Variants in NEBL observed in about 807,000 individuals in gnomAD.
NEBL encodes LIM and SH3 protein 2.
In NEBL, 122 loss-of-function variants were observed where a neutral mutation model predicts 140.2. That is an observed-to-expected ratio of 0.87 (90% confidence interval 0.75 to 1.01). The LOEUF (loss-of-function observed/expected upper bound fraction) is 1.01. Ranked by LOEUF, NEBL falls within the 50% of genes least tolerant of loss-of-function variation. The pLI is 0.00. For synonymous variants in NEBL, 436 were observed against 398.9 expected (o/e 1.09, Z -1.11); for missense variants, 1,365 against 1,231.3 (o/e 1.11, Z -1.62).
At chr10:20,814,617 T>TACACACATACACACACAC (rs1838530037) in intron 22 of NEBL, among the ~76,000 whole-genome samples, 1 of 146,418 alleles carries the variant, frequency 6.8e-6, no homozygotes, top group Non-Finnish European at 1.5e-5. Flanking sequence ...CATACACACA[T>TACACACATACACACACAC]ACACACACAC....
At position 20,858,221 on chromosome 10, in the gene NEBL, C is replaced by T. The variant is rs746781956; in HGVS notation, c.903+19G>A. ...GGAGCCACAAGGCAACTACGGTTGC[C>T]GCTAGATGAACCACTTACGCCGCTG... On this transcript the variant is annotated intron_variant, in intron 9 of 27. Coordinates refer to ENST00000377122, the MANE Select transcript of NEBL (RefSeq NM_006393.3). The T allele has an allele frequency of 1.3e-6, 2 of 1,560,170 alleles. No individual in the cohort carries two copies. Among genetic ancestry groups the T allele is most frequent in the South Asian group, 1.1e-5 (1 of 89,918 alleles).
chr10:21,163,203 C>A (rs6482163), intron 2 of NEBL, among the ~76,000 whole-genome samples: 27,377 of 152,006 alleles, frequency 0.18, 2,619 homozygotes, highest in East Asian at 0.34. Context: ...GCTAGAAACC[C>A]AGTTTTTTTT....
At chr10:20,930,362 T>G (rs566902446) in intron 4 of NEBL, among the ~76,000 whole-genome samples, 2 of 152,350 alleles carry the variant, frequency 1.3e-5, no homozygotes, top group African/African-American at 4.8e-5. Flanking sequence ...TCCATTTCTA[T>G]GGCCACCAGC....
At chr10:21,082,941 T>G (rs1462886224) in intron 2 of NEBL, among the ~76,000 whole-genome samples, 1 of 152,102 alleles carries the variant, frequency 6.6e-6, no homozygotes, top group Non-Finnish European at 1.5e-5. Flanking sequence ...TTTTGAATTT[T>G]TTTAGAGACG....
intron 3 of NEBL, among the ~76,000 whole-genome samples, chr10:21,241,739 G>A (rs1235548628): frequency 4.6e-5 from 7 of 152,188 alleles, no homozygotes; most frequent in African/African-American, 7.2e-5. Context: ...CCGGGCATTT[G>A]AGTTCAGCGT....
Position 21,173,928 on chromosome 10 carries a change from G to A in NEBL, c.-95C>T, listed in dbSNP as rs1841203158. On this transcript the variant is annotated 5_prime_UTR_variant, in exon 1 of 7. Coordinates refer to the NEBL transcript ENST00000417816. This position sits in a 1 kb window ranked among gnomAD's most constrained non-coding sequence, Gnocchi z 5.7. ...CGAGCCCCGCACCGCCTCCTGGCAG[G>A]CGGGAGGGCTGCGGGCGGCGGGCGC... is the stretch of plus-strand genomic sequence containing the variant. The A allele has an allele frequency of 6.2e-6, 9 of 1,451,758 alleles. No homozygotes were observed. Among genetic ancestry groups the A allele is most frequent in the Non-Finnish European group, 8.1e-6 (9 of 1,113,502 alleles). 89.9% of individuals were successfully genotyped at this position (1,451,758 alleles called of 1,614,324 possible).
chr10:21,248,164 G>A (rs376636963), intron 2 of NEBL: 7 of 178,542 alleles, frequency 3.9e-5, no homozygotes, highest in East Asian at 1.4e-4. Flanking sequence ...TCGACCTCCC[G>A]GGCTCAAGTA....
chr10:21,242,474 T>A (rs1842452874), intron 3 of NEBL, among the ~76,000 whole-genome samples: 1 of 152,086 alleles, frequency 6.6e-6, no homozygotes, highest in South Asian at 2.1e-4. Context: ...ATGAGGGTGG[T>A]GGGTGAGGAC....
At chr10:20,902,390 A>G (rs1847910735) in intron 4 of NEBL, among the ~76,000 whole-genome samples, 1 of 132,136 alleles carries the variant, frequency 7.6e-6, no homozygotes, top group African/African-American at 2.9e-5. Flanking sequence ...TGGGCAACAG[A>G]GCAAAGACAC....
At chr10:21,008,505 T>C (rs1838218634) in intron 3 of NEBL, among the ~76,000 whole-genome samples, 1 of 152,022 alleles carries the variant, frequency 6.6e-6, no homozygotes, top group African/African-American at 2.4e-5. Flanking sequence ...AATAGACAAT[T>C]CTCAAAAGAA....
At chr10:21,190,316 C>CAAA (rs35446351) in intron 3 of NEBL, among the ~76,000 whole-genome samples, 1 of 144,088 alleles carries the variant, frequency 6.9e-6, no homozygotes, top group African/African-American at 2.5e-5. Context: ...CCTGTGCCTA[C>CAAA]AAAAAAAAAA....
chr10:21,255,725 C>T (rs182164798), intron 1 of NEBL, among the ~76,000 whole-genome samples: 7 of 152,110 alleles, frequency 4.6e-5, no homozygotes, highest in East Asian at 1.9e-4. Context: ...CGGCTGGGCG[C>T]GGTGGCTCAC....
At chr10:21,008,076 A>G (rs1838204725) in intron 3 of NEBL, among the ~76,000 whole-genome samples, 1 of 152,240 alleles carries the variant, frequency 6.6e-6, no homozygotes, top group Non-Finnish European at 1.5e-5. Context: ...CAGGTTTTCA[A>G]GACTTTCCCG....
chr10:20,798,701 C>T lies in NEBL; in HGVS notation c.2761+9809G>A, dbSNP rs1305159373. On this transcript the variant is annotated intron_variant, in intron 26 of 27. Coordinates refer to ENST00000377122, the MANE Select transcript of NEBL (RefSeq NM_006393.3). Reference sequence around the variant, plus strand: ...TTTATGTTCTTCCTGAAGATCAAAACTTCTCTTTCTCCAAATCAACTCAGC... The same window carrying T: ...TTTATGTTCTTCCTGAAGATCAAAATTTCTCTTTCTCCAAATCAACTCAGC... Among the ~76,000 whole-genome samples, 5 of 152,146 alleles carry T rather than the reference C, an allele frequency of 3.3e-5. 1 individual carries two copies. Among genetic ancestry groups the T allele is most frequent in the African/African-American group, 9.7e-5 (4 of 41,428 alleles).
intron 2 of NEBL, among the ~76,000 whole-genome samples, chr10:21,127,004 T>C (rs1029778874): frequency 2.8e-4 from 41 of 144,602 alleles, no homozygotes; most frequent in African/African-American, 9.7e-4. Flanking sequence ...AAAACTCCAC[T>C]GGCCAAAGAT....
intron 26 of NEBL, among the ~76,000 whole-genome samples, chr10:20,802,315 G>T (rs1410113176): frequency 3.3e-5 from 5 of 152,164 alleles, no homozygotes; most frequent in Non-Finnish European, 7.3e-5. Context: ...TTCACCAAAG[G>T]AGCTGTGTGT....
At chr10:21,090,389 C>T (rs1030100344) in intron 2 of NEBL, among the ~76,000 whole-genome samples, 3 of 152,138 alleles carry the variant, frequency 2.0e-5, no homozygotes, top group African/African-American at 7.2e-5. Context: ...ATAAACAATA[C>T]AACAACTATT....
At chr10:20,973,673 A>T (rs1836677551) in intron 3 of NEBL, among the ~76,000 whole-genome samples, 1 of 152,148 alleles carries the variant, frequency 6.6e-6, no homozygotes, top group African/African-American at 2.4e-5. Context: ...AAGAGGTGCC[A>T]TTTTTTAATT....
chr10:21,184,797 A>G (rs534604307), intron 3 of NEBL, among the ~76,000 whole-genome samples: 1 of 152,364 alleles, frequency 6.6e-6, no homozygotes, highest in African/African-American at 2.4e-5. Context: ...GGTTATAAAA[A>G]CATTTGTTCG....
Sources: allele counts gnomAD v4.1 joint callset (sites outside exome capture counted in the v4.1 genomes callset), GRCh38; gene constraint gnomAD v4.1.1; non-coding constraint Gnocchi (gnomAD v3.1); transcripts MANE v1.5; gene names NCBI Gene and HGNC (gene_info 2026-07-23, HGNC 2026-07-21).